GYG2: variants seen among roughly 807,000 people sequenced by gnomAD.
The protein encoded by GYG2 is glycogenin-2.
GYG2 carries 29 observed loss-of-function variants against 29.4 expected under a neutral mutation model. The ratio of observed to expected loss-of-function variants is 0.99; its 90% confidence interval spans 0.74 to 1.35. The LOEUF (loss-of-function observed/expected upper bound fraction) is 1.35. Ranked by LOEUF, GYG2 falls within the 40% of genes most tolerant of loss-of-function variation. The pLI is 0.00. For missense variants in GYG2, 370 were observed against 385.7 expected (o/e 0.96, Z 0.34); for synonymous variants, 167 against 172.3 (o/e 0.97, Z 0.24).
At position 2,844,971 on chromosome X, in the gene GYG2, T is replaced by G. The variant is rs1298509543; in HGVS notation, c.149+1617T>G. On this transcript the variant is annotated intron_variant, in intron 3 of 10. Coordinates refer to ENST00000398806, the MANE Select transcript of GYG2 (RefSeq NM_001079855.2). The stretch of plus-strand genomic sequence containing the variant: ...TTTTATATACATGTATGTATATATT[T>G]ATATATACATGTATTATATATGTTC... Among the ~76,000 whole-genome samples, 3 of 102,022 alleles carry G rather than the reference T, an allele frequency of 2.9e-5. No individual in the cohort carries two copies. In the Admixed American group the frequency reaches 3.2e-4, roughly 11 times the overall value. The allele number at this position is 102,022 out of a possible 115,157, so 88.6% of individuals were successfully genotyped here.
rs1603460406 is a variant in GYG2 at position 2,875,711 on chromosome X, C to T, written c.1039-99C>T. The T allele has an allele frequency of 1.1e-5, 6 of 557,911 alleles. No individual in the cohort carries two copies. In the East Asian group the frequency reaches 2.2e-4, roughly 20 times the overall value. The allele number at this position is 557,911 out of a possible 1,213,427, so 46.0% of individuals were successfully genotyped here. On this transcript the variant is annotated intron_variant, in intron 8 of 10. Coordinates refer to ENST00000398806, the MANE Select transcript of GYG2 (RefSeq NM_001079855.2). The stretch of plus-strand genomic sequence containing the variant: ...ATCCCATATCAAGTTGTATTTGCAC[C>T]ATAGAGGCAGAAAAAAATGGAGTGG...
At chrX:2,868,470 A>G (rs1480079852) in intron 8 of GYG2, among the ~76,000 whole-genome samples, 2 of 109,764 alleles carry the variant, frequency 1.8e-5, no homozygotes, top group Non-Finnish European at 3.8e-5. Flanking sequence ...AAAAAAAAAA[A>G]AAAAAAAGGT....
rs775805807 is a variant in GYG2, at chrX:2,855,109, G to A, written c.441G>A (p.Thr147=). The change falls in exon 5 of 11, where the codon ACG becomes ACA. Residue 147 remains threonine (T), a synonymous_variant. Coordinates refer to ENST00000398806, the MANE Select transcript of GYG2 (RefSeq NM_001079855.2). ...GVFVFQPSLH[T]HKLLLQHAME... Reference sequence around the variant, plus strand: ...TTGTCTTCCAGCCTTCTCTCCACACGCATAAACTCCTGCTACAGCACGCCA... The same window carrying A: ...TTGTCTTCCAGCCTTCTCTCCACACACATAAACTCCTGCTACAGCACGCCA... 9 of 1,211,027 alleles carry A rather than the reference G, an allele frequency of 7.4e-6. No individual in the cohort carries two copies. The highest frequency in any genetic ancestry group is 3.5e-5 in the South Asian group (2 of 56,939).
intron 2 of GYG2, among the ~76,000 whole-genome samples, chrX:2,832,835 T>C (rs1321210150): frequency 8.9e-6 from 1 of 112,330 alleles, no homozygotes; most frequent in East Asian, 2.8e-4. Flanking sequence ...ACGCTTGGCC[T>C]AATCTCCTTT....
chrX:2,869,643 TTTGTTG>T (rs985354299), intron 8 of GYG2, among the ~76,000 whole-genome samples: 1 of 111,921 alleles, frequency 8.9e-6, no homozygotes, highest in Non-Finnish European at 1.9e-5. Flanking sequence ...GTGTTTTGGT[TTTGTTG>T]TTGTTGTTGT....
chrX:2,860,028 T>C lies in GYG2; in HGVS notation c.800T>C (p.Val267Ala). The C allele has an allele frequency of 8.3e-7, 1 of 1,198,750 alleles. No homozygotes were observed. The highest frequency in any genetic ancestry group is 1.1e-6 in the Non-Finnish European group (1 of 887,468). The change falls in exon 7 of 11, where the codon GTC (valine) becomes GCC (alanine). Residue 267 changes from valine (V) to alanine (A), a missense_variant. Coordinates refer to ENST00000398806, the MANE Select transcript of GYG2 (RefSeq NM_001079855.2). ...AACGTGCTGCCCCTTTATAAAAGCG[T>C]CCAAGCGGGGGAAGCACGCGCGTCT... Reference protein sequence around the residue: ...QNNVLPLYKSVQAGEARASPG... With the variant: ...QNNVLPLYKSAQAGEARASPG...
Position 2,844,886 on chromosome X carries a change from ATG to A in GYG2, c.149+1536_149+1537del, listed in dbSNP as rs200652147. ...TACAGGTATGCGTATATACACATGT[ATG>A]TGTTTATATTTATATACATGTATGT... On this transcript the variant is annotated intron_variant, in intron 3 of 10. Transcript: ENST00000398806. 4.6e-3 allele frequency among the ~76,000 whole-genome samples: 498 copies of A among 107,218 alleles called. 2 individuals are homozygous for A. Among genetic ancestry groups the A allele is most frequent in the Non-Finnish European group, 6.0e-3 (309 of 51,841 alleles). The allele number at this position is 107,218 out of a possible 115,157, so 93.1% of individuals were successfully genotyped here.
chrX:2,845,652 T>C (rs1467099650), intron 3 of GYG2, among the ~76,000 whole-genome samples: 1 of 106,847 alleles, frequency 9.4e-6, no homozygotes, highest in East Asian at 3.0e-4. Flanking sequence ...TACGCATGTG[T>C]ATGTACATAC....
intron 8 of GYG2, 56 bp from the exon 9 acceptor site, chrX:2,875,754 G>A: frequency 1.3e-6 from 1 of 750,891 alleles, no homozygotes; most frequent in Non-Finnish European, 2.1e-6. Context: ...CAATTAAGTT[G>A]CATTTATTTG....
intron 6 of GYG2, among the ~76,000 whole-genome samples, chrX:2,857,666 G>A (rs763541574): frequency 3.7e-5 from 4 of 109,568 alleles, no homozygotes; most frequent in Non-Finnish European, 5.7e-5. Context: ...ATCTATATAC[G>A]TCTTTATATA....
chrX:2,850,950 T>C (rs191564594), intron 3 of GYG2, among the ~76,000 whole-genome samples: 1 of 111,401 alleles, frequency 9.0e-6, no homozygotes, highest in East Asian at 2.8e-4. Context: ...ACTGAAGAAA[T>C]AGAAAATCTG....
rs770374294 is a variant in GYG2, at chrX:2,859,846, C to T, written c.618C>T (p.Phe206=). The part of the protein sequence containing the change: ...MYTYSPAFKQ[F]GSSAKVVHFL... The stretch of plus-strand genomic sequence containing the variant: ...ATCCCTTCTGTTTCCTTCTCAGATT[C>T]GGTTCCAGTGCAAAGGTCGTCCACT... Residue 206 remains phenylalanine (F), a synonymous_variant, in exon 7 of 11, where the codon TTC becomes TTT. Coordinates refer to ENST00000398806, the MANE Select transcript of GYG2 (RefSeq NM_001079855.2). 6.9e-6 allele frequency: 8 copies of T among 1,167,010 alleles called. No individual in the cohort carries two copies. Among genetic ancestry groups the T allele is most frequent in the Non-Finnish European group, 8.2e-6 (7 of 858,306 alleles).
At chrX:2,845,988 C>CAT (rs1229449465) in intron 3 of GYG2, among the ~76,000 whole-genome samples, 2 of 68,630 alleles carry the variant, frequency 2.9e-5, no homozygotes, top group Non-Finnish European at 5.1e-5. Context: ...AAAATATATA[C>CAT]ATATATGTAT....
At chrX:2,832,778 AC>A (rs1392677591) in intron 2 of GYG2, among the ~76,000 whole-genome samples, 1 of 111,856 alleles carries the variant, frequency 8.9e-6, no homozygotes, top group Non-Finnish European at 1.9e-5. Flanking sequence ...CAGGTGATCC[AC>A]CTGCCTTGGC....
chrX:2,872,021 C>T (rs777298346), intron 8 of GYG2, among the ~76,000 whole-genome samples: 16 of 111,802 alleles, frequency 1.4e-4, no homozygotes, highest in Admixed American at 3.8e-4. Context: ...TTCCCTGCCT[C>T]GTCTGCCTTT....
chrX:2,856,963 TTATC>T (rs71989016), intron 6 of GYG2, among the ~76,000 whole-genome samples: 3,065 of 63,528 alleles, frequency 0.048, 77 homozygotes, highest in African/African-American at 0.19. Flanking sequence ...AGACATCTGT[TTATC>T]TATCTATCTA....
intron 2 of GYG2, 102 bp from the exon 3 acceptor site, chrX:2,843,111 C>T (rs1315380081): frequency 5.6e-6 from 4 of 719,555 alleles, no homozygotes; most frequent in African/African-American, 2.1e-5. Context: ...TCACGTCTGG[C>T]CCAAGCCATG....
intron 7 of GYG2, among the ~76,000 whole-genome samples, chrX:2,860,552 C>T (rs1003045104): frequency 3.7e-5 from 4 of 109,272 alleles, no homozygotes; most frequent in African/African-American, 1.3e-4. Context: ...ATGTAGGCTG[C>T]ATCTGCCTTG....
intron 8 of GYG2, among the ~76,000 whole-genome samples, chrX:2,874,178 A>G (rs1205179770): frequency 8.9e-6 from 1 of 112,794 alleles, no homozygotes; most frequent in East Asian, 2.8e-4. Context: ...GTTCATGATT[A>G]CAGTGTTCTC....
Sources: gnomAD v4.1 joint callset for allele counts (sites outside exome capture counted in the v4.1 genomes callset) on GRCh38, gnomAD v4.1.1 for gene constraint, MANE v1.5 for transcripts, NCBI Gene and HGNC (gene_info 2026-07-23, HGNC 2026-07-21) for gene names.